Variants in TMEM184C observed in about 807,000 individuals in gnomAD.
TMEM184C encodes the protein transmembrane protein 34.
Under a neutral mutation model 54.5 loss-of-function variants are expected in TMEM184C, and 25 were observed. The ratio of observed to expected loss-of-function variants is 0.46; its 90% CI spans 0.33 to 0.64. TMEM184C has a LOEUF of 0.64. Ranked by LOEUF, TMEM184C falls within the 30% of genes least tolerant of loss-of-function variation. The pLI is 0.02. For synonymous variants in TMEM184C, 148 were observed against 181.5 expected (o/e 0.82, Z 1.49); for missense variants, 335 against 520.3 (o/e 0.64, Z 3.46).
chr4:147,630,408 G>C (rs1732895961), intron 6 of TMEM184C, among the ~76,000 whole-genome samples: 1 of 152,024 alleles, frequency 6.6e-6, no homozygotes, highest in Admixed American at 6.5e-5. Context: ...CAGTAATTCT[G>C]TTTCTGGGAA....
chr4:147,620,055 G>C (rs889316196), intron 1 of TMEM184C, among the ~76,000 whole-genome samples: 4 of 152,078 alleles, frequency 2.6e-5, no homozygotes, highest in African/African-American at 7.2e-5. Flanking sequence ...CTCCCTCCTT[G>C]AAACTTTGCA....
At position 147,624,944 on chromosome 4, in the gene TMEM184C, T is replaced by C. The variant is rs1417382247; in HGVS notation, c.432T>C (p.Leu144=). The C allele has an allele frequency of 6.2e-7, 1 of 1,613,860 alleles. No individual in the cohort carries two copies. Among genetic ancestry groups the C allele is most frequent in the African/African-American group, 1.3e-5 (1 of 74,938 alleles). Residue 144 remains leucine, a synonymous_variant, in exon 4 of 10, where the codon CTT becomes CTC. Transcript: ENST00000296582. ...GGTATCCAAATCTGGTATTAATCCT[T>C]GAAGCCAAAGATCAACAGAAACATT... The part of the protein sequence containing the change: ...TNRYPNLVLI[L]EAKDQQKHFP...
At chr4:147,623,706 G>GA in intron 1 of TMEM184C, 128 bp from the exon 2 acceptor site, 2 of 776,752 alleles carry the variant, frequency 2.6e-6, no homozygotes, top group South Asian at 3.5e-5. Flanking sequence ...TCAAACTCCT[G>GA]GCCTCAAGCG....
rs1223314629 is a variant in TMEM184C at position 147,636,036 on chromosome 4, C to T, written c.*1602C>T. 1 of 151,972 alleles carries T rather than the reference C, an allele frequency of 6.6e-6. No homozygotes were observed. Among genetic ancestry groups the T allele is most frequent in the Non-Finnish European group, 1.5e-5 (1 of 67,964 alleles). The allele number at this position is 151,972 out of a possible 1,614,324, so 9.4% of individuals were successfully genotyped here. A position where few individuals can be genotyped will look rare whatever the true frequency, so the allele number is the denominator to read the frequency against. On this transcript the variant is annotated 3_prime_UTR_variant, in exon 10 of 10. Transcript: ENST00000296582. ...CCCGTGCTCATGGATCAGAATAATA[C>T]TGTTAAAATGGTCACACTACCCAAA...
At chr4:147,618,564 ATT>A (rs941916037) in intron 1 of TMEM184C, among the ~76,000 whole-genome samples, 1 of 152,162 alleles carries the variant, frequency 6.6e-6, no homozygotes, top group African/African-American at 2.4e-5. Flanking sequence ...CCTTATATAT[ATT>A]TTTTGATGTC....
intron 3 of TMEM184C, among the ~76,000 whole-genome samples, chr4:147,624,405 TA>T (rs1383193819): frequency 1.3e-5 from 2 of 150,060 alleles, no homozygotes; most frequent in Non-Finnish European, 2.9e-5. Context: ...ATCAAAAATT[TA>T]AAAACCTTCC....
intron 1 of TMEM184C, among the ~76,000 whole-genome samples, chr4:147,621,674 T>C (rs1732711769): frequency 6.6e-6 from 1 of 152,134 alleles, no homozygotes. Flanking sequence ...AAACCAATAA[T>C]TAAAATTAAT....
intron 4 of TMEM184C, among the ~76,000 whole-genome samples, chr4:147,625,561 CAG>C (rs755845724): frequency 6.6e-6 from 1 of 152,082 alleles, no homozygotes; most frequent in Admixed American, 6.5e-5. Context: ...CATTTGGAAA[CAG>C]TGTTTTAGAA....
chr4:147,623,088 C>T (rs1027366616), intron 1 of TMEM184C, among the ~76,000 whole-genome samples: 12 of 152,092 alleles, frequency 7.9e-5, no homozygotes, highest in African/African-American at 2.4e-4. Flanking sequence ...ATTTGTTCTC[C>T]ATACTTTTGT....
intron 9 of TMEM184C, 100 bp from the exon 10 acceptor site, chr4:147,634,069 T>G (rs139333445): frequency 6.6e-7 from 1 of 1,520,540 alleles, no homozygotes; most frequent in African/African-American, 1.4e-5. Context: ...CTCATCAACT[T>G]TGGGGAGTGG....
chr4:147,624,024 A>G (rs1732764366), intron 2 of TMEM184C, 38 bp from the exon 3 acceptor site: 2 of 1,611,800 alleles, frequency 1.2e-6, no homozygotes, highest in East Asian at 4.5e-5. Context: ...TAAATATGAC[A>G]TAAAATGTTT....
intron 5 of TMEM184C, among the ~76,000 whole-genome samples, chr4:147,629,087 G>A (rs1431117625): frequency 5.3e-5 from 8 of 152,066 alleles, no homozygotes; most frequent in Non-Finnish European, 1.0e-4. Context: ...ATGAAGGCAT[G>A]CTTTATTTCC....
intron 4 of TMEM184C, among the ~76,000 whole-genome samples, chr4:147,627,256 A>G (rs1280789047): frequency 2.0e-5 from 3 of 152,114 alleles, no homozygotes; most frequent in Non-Finnish European, 2.9e-5. Context: ...ATAGGATATT[A>G]TGCAGAGAAC....
intron 4 of TMEM184C, among the ~76,000 whole-genome samples, chr4:147,625,756 A>G (rs985366860): frequency 6.6e-6 from 1 of 152,218 alleles, no homozygotes; most frequent in Non-Finnish European, 1.5e-5. Flanking sequence ...CATGTCCACT[A>G]ATGCAACCGC....
chr4:147,627,352 G>A (rs1385735522), intron 4 of TMEM184C, among the ~76,000 whole-genome samples: 3 of 151,964 alleles, frequency 2.0e-5, no homozygotes, highest in Admixed American at 6.6e-5. Flanking sequence ...ATACAGTGGC[G>A]TGATCTCAGC....
chr4:147,634,495 A>G lies in TMEM184C; in HGVS notation c.*61A>G. ...TATATCATTACCTGGTATCCCATGG[A>G]TTTTGTGCTTGGGACAGACCATAAA... On this transcript the variant is annotated 3_prime_UTR_variant, in exon 10 of 10. Coordinates refer to ENST00000296582, the MANE Select transcript of TMEM184C (RefSeq NM_018241.3). 1 of 1,562,512 alleles carries G rather than the reference A, an allele frequency of 6.4e-7. No homozygotes were observed. The highest frequency in any genetic ancestry group is 2.3e-5 in the East Asian group (1 of 44,394).
Position 147,629,670 on chromosome 4 carries a change from T to C in TMEM184C, c.644T>C (p.Ile215Thr). 6.3e-7 allele frequency: 1 copy of C among 1,590,162 alleles called. No homozygotes were observed. The highest frequency in any genetic ancestry group is 8.5e-7 in the Non-Finnish European group (1 of 1,170,450). ...SFSNAWTYLV[I>T]INNMSQLFAM... is the part of the protein sequence containing the mutation. ...TCAAATGCTTGGACTTATTTGGTTA[T>C]AATAAACAACATGTCACAGTTGGTA... Residue 215 changes from isoleucine (I) to threonine (T), a missense_variant, in exon 6 of 10, where the codon ATA becomes ACA. Physicochemically the swap from Ile to Thr is moderately conservative, Grantham distance 89. Coordinates refer to ENST00000296582, the MANE Select transcript of TMEM184C (RefSeq NM_018241.3).
In TMEM184C at chr4:147,618,092, T is replaced by C; in HGVS notation, c.123+13T>C. 6.2e-7 allele frequency: 1 copy of C among 1,614,004 alleles called. No individual in the cohort carries two copies. Among genetic ancestry groups the C allele is most frequent in the South Asian group, 1.1e-5 (1 of 91,082 alleles). ...ACAGAAACTGGAGGTAAGAGGGTTC[T>C]GCACCATCAGCCTGTACACTTTCTT... On this transcript the variant is annotated intron_variant, in intron 1 of 9. Coordinates refer to ENST00000296582, the MANE Select transcript of TMEM184C (RefSeq NM_018241.3).
chr4:147,624,144 T>G, intron 3 of TMEM184C, 46 bp downstream of exon 3: 1 of 1,490,890 alleles, frequency 6.7e-7, no homozygotes, highest in Non-Finnish European at 9.3e-7. Context: ...ACTTGTTTGA[T>G]GATACTATAA....
Sources: allele counts gnomAD v4.1 joint callset (sites outside exome capture counted in the v4.1 genomes callset), GRCh38; gene constraint gnomAD v4.1.1; transcripts MANE v1.5; gene names NCBI Gene and HGNC (gene_info 2026-07-23, HGNC 2026-07-21).